Variants in SGCZ observed in about 807,000 individuals in gnomAD.
SGCZ encodes the protein sarcoglycan zeta.
Under a neutral mutation model 41.3 loss-of-function variants are expected in SGCZ, and 40 were observed. The ratio of observed to expected loss-of-function variants is 0.97; its 90% CI spans 0.75 to 1.26. The LOEUF is 1.26. Ranked by LOEUF, SGCZ falls within the 50% of genes most tolerant of loss-of-function variation. The probability of loss-of-function intolerance (pLI) is 0.00; values close to 1 mark genes in which losing one functional copy is unlikely to be tolerated. For synonymous variants in SGCZ, 206 were observed against 137.5 expected, an observed-to-expected ratio of 1.50 and a Z score of -3.49; for missense variants, 552 against 369.8, an observed-to-expected ratio of 1.49 and a Z score of -4.04.
chr8:14,124,468 C>T (rs1802792151), intron 5 of SGCZ, among the ~76,000 whole-genome samples: 1 of 152,110 alleles, frequency 6.6e-6, no homozygotes. Flanking sequence ...AGACAATGGT[C>T]AGCTTGATTA....
In SGCZ at chr8:14,633,027, G is replaced by A. The variant is rs1018547389; in HGVS notation, c.40-78101C>T. 1.6e-4 allele frequency among the ~76,000 whole-genome samples: 24 copies of A among 151,736 alleles called. 1 individual carries two copies. The highest frequency in any genetic ancestry group is 1.4e-3 in the Admixed American group (22 of 15,198). On this transcript the variant is annotated intron_variant, in intron 1 of 7. Transcript: ENST00000382080. ...ATTTTAATAATTTAATCCCAAAATA[G>A]GTAGAGAAGTGATTGAATTACATGA... is the stretch of plus-strand genomic sequence containing the variant.
intron 3 of SGCZ, among the ~76,000 whole-genome samples, chr8:14,301,728 T>A (rs1051884003): frequency 4.6e-5 from 7 of 152,186 alleles, no homozygotes; most frequent in Non-Finnish European, 8.8e-5. Flanking sequence ...GTGAGAAGAA[T>A]AACTTGCAAT....
At chr8:14,733,861 A>G (rs1798945688) in intron 1 of SGCZ, among the ~76,000 whole-genome samples, 1 of 152,188 alleles carries the variant, frequency 6.6e-6, no homozygotes, top group African/African-American at 2.4e-5. Context: ...TTGAAACCAC[A>G]TTTGTTAATC....
At chr8:14,324,060 T>C in intron 3 of SGCZ, 43 bp downstream of exon 3, 1 of 1,387,078 alleles carries the variant, frequency 7.2e-7, no homozygotes, top group South Asian at 1.2e-5. Context: ...AAACATAACC[T>C]CTAAATTATC....
intron 1 of SGCZ, among the ~76,000 whole-genome samples, chr8:14,902,139 G>A (rs1049223350): frequency 1.3e-5 from 2 of 152,218 alleles, no homozygotes; most frequent in Admixed American, 6.5e-5. Flanking sequence ...GGTAGGACAA[G>A]GGAAACACGA....
chr8:14,789,072 G>A (rs761716653), intron 1 of SGCZ, among the ~76,000 whole-genome samples: 2 of 151,910 alleles, frequency 1.3e-5, no homozygotes, highest in Non-Finnish European at 2.9e-5. Context: ...ACAACCCTGC[G>A]CCTCATTTCT....
At chr8:14,786,852 CAA>C (rs1334298742) in intron 1 of SGCZ, among the ~76,000 whole-genome samples, 2 of 80,310 alleles carry the variant, frequency 2.5e-5, no homozygotes, top group African/African-American at 7.1e-5. Context: ...AAAAAAAAAA[CAA>C]AAAACACATA....
intron 1 of SGCZ, among the ~76,000 whole-genome samples, chr8:14,682,758 T>A (rs1396916126): frequency 6.6e-6 from 1 of 152,176 alleles, no homozygotes; most frequent in Admixed American, 6.6e-5. Flanking sequence ...AACAGAGATG[T>A]CTTTTACCAT....
chr8:15,140,137 C>G (rs970427547), intron 1 of SGCZ, among the ~76,000 whole-genome samples: 9 of 152,178 alleles, frequency 5.9e-5, no homozygotes, highest in Middle Eastern at 3.4e-3. Context: ...TTCCTCCTAT[C>G]TTAGCCTCCT....
intron 1 of SGCZ, among the ~76,000 whole-genome samples, chr8:14,952,346 T>C (rs555855878): frequency 6.6e-6 from 1 of 152,092 alleles, no homozygotes; most frequent in Admixed American, 6.6e-5. Flanking sequence ...TTTCCTTTTT[T>C]TTCCTACTTT....
chr8:14,612,411 T>C (rs114876325), intron 1 of SGCZ, among the ~76,000 whole-genome samples: 3 of 152,202 alleles, frequency 2.0e-5, no homozygotes, highest in Admixed American at 1.3e-4. Context: ...GATTGTAAGT[T>C]TCCTGTGGTT....
intron 2 of SGCZ, among the ~76,000 whole-genome samples, chr8:14,406,138 C>T (rs139861839): frequency 3.3e-5 from 5 of 152,176 alleles, no homozygotes; most frequent in African/African-American, 1.2e-4. Context: ...GCTTTTTGAA[C>T]ATATCAAGCT....
chr8:14,249,599 T>C (rs1799216441), intron 3 of SGCZ, among the ~76,000 whole-genome samples: 1 of 152,152 alleles, frequency 6.6e-6, no homozygotes, highest in Admixed American at 6.6e-5. Context: ...ATTTTGTTAA[T>C]TGTGGTTATA....
rs1316151096 is a variant in SGCZ at position 14,591,543 on chromosome 8, T to C, written c.40-36617A>G. ...AATATAAAATATACACAAAATAGTT[T>C]GTGATGTAAGCACAATATTTTATTC... On this transcript the variant is annotated intron_variant, in intron 1 of 7. Coordinates refer to ENST00000382080, the MANE Select transcript of SGCZ (RefSeq NM_139167.4). Among the ~76,000 whole-genome samples, 3 of 152,092 alleles carry C rather than the reference T, an allele frequency of 2.0e-5. No individual in the cohort carries two copies. In the South Asian group the frequency reaches 6.2e-4, roughly 31 times the overall value.
At chr8:14,592,050 T>C (rs1292972694) in intron 1 of SGCZ, among the ~76,000 whole-genome samples, 1 of 152,206 alleles carries the variant, frequency 6.6e-6, no homozygotes. Context: ...TGTGTCATTA[T>C]ATCATCTCCC....
intron 4 of SGCZ, among the ~76,000 whole-genome samples, chr8:14,185,950 C>CATA (rs2117034473): frequency 6.6e-6 from 1 of 152,330 alleles, no homozygotes; most frequent in Non-Finnish European, 1.5e-5. Flanking sequence ...ACCTTGGAAT[C>CATA]TGCGTTTCTA....
chr8:15,105,172 T>A (rs1806776368), intron 1 of SGCZ, among the ~76,000 whole-genome samples: 3 of 152,208 alleles, frequency 2.0e-5, no homozygotes, highest in Non-Finnish European at 4.4e-5. Context: ...ATTCAAGACC[T>A]TACACATTTG....
intron 1 of SGCZ, among the ~76,000 whole-genome samples, chr8:14,902,212 G>A (rs1437591350): frequency 6.6e-6 from 1 of 152,046 alleles, no homozygotes; most frequent in African/African-American, 2.4e-5. Flanking sequence ...CAGATCCCTT[G>A]TCAAGCTCCT....
At chr8:14,103,091 C>T (rs985633895) in intron 6 of SGCZ, among the ~76,000 whole-genome samples, 6 of 152,038 alleles carry the variant, frequency 3.9e-5, no homozygotes, top group Admixed American at 6.5e-5. Flanking sequence ...CTGTTGGCCC[C>T]GTGAAATGTC....
Sources: allele counts gnomAD v4.1 joint callset (sites outside exome capture counted in the v4.1 genomes callset), GRCh38; gene constraint gnomAD v4.1.1; transcripts MANE v1.5; gene names NCBI Gene and HGNC (gene_info 2026-07-23, HGNC 2026-07-21).